LARGE1: variants seen among roughly 807,000 people sequenced by gnomAD.
LARGE1 encodes LARGE xylosyl- and glucuronyltransferase 1.
A neutral mutation model predicts 87.6 loss-of-function variants in LARGE1; 43 were observed. That is an observed-to-expected ratio of 0.49 (90% CI 0.38 to 0.63). LARGE1 has a LOEUF of 0.63. LARGE1 is among the 30% of genes least tolerant of loss of function. The pLI, the probability that LARGE1 is intolerant of heterozygous loss-of-function variation, is 0.00. For missense variants in LARGE1, 802 were observed against 1,000.2 expected, an observed-to-expected ratio of 0.80 and a Z score of 2.67; for synonymous variants, 434 against 394.6, an observed-to-expected ratio of 1.10 and a Z score of -1.18.
intron 2 of LARGE1, among the ~76,000 whole-genome samples, chr22:33,670,411 C>G (rs111678139): frequency 6.6e-6 from 1 of 151,512 alleles, no homozygotes; most frequent in Admixed American, 6.6e-5. Flanking sequence ...AAGGTGAGCA[C>G]CAAGACGCTA....
At chr22:33,905,222 C>T (rs949520782) in intron 1 of LARGE1, among the ~76,000 whole-genome samples, 1 of 151,854 alleles carries the variant, frequency 6.6e-6, no homozygotes, top group Non-Finnish European at 1.5e-5. Flanking sequence ...CACCAGGATG[C>T]CCAGCTGATT....
At chr22:33,595,487 G>A (rs2078953799) in intron 5 of LARGE1, among the ~76,000 whole-genome samples, 1 of 152,152 alleles carries the variant, frequency 6.6e-6, no homozygotes, top group Non-Finnish European at 1.5e-5. Flanking sequence ...GAGACACAAT[G>A]GGGAGCACAT....
chr22:33,682,832 A>C (rs1231762099), intron 2 of LARGE1, among the ~76,000 whole-genome samples: 1 of 152,184 alleles, frequency 6.6e-6, no homozygotes. Context: ...AAAACCAGAG[A>C]CATATGGTTT....
At chr22:33,205,496 A>G (rs1270494908) in intron 11 of LARGE1, among the ~76,000 whole-genome samples, 3 of 152,228 alleles carry the variant, frequency 2.0e-5, no homozygotes, top group Non-Finnish European at 2.9e-5. Context: ...ATAAATAAAA[A>G]GAGAGTTTCA....
chr22:33,146,979 CAAT>C, the LARGE1 span, among the ~76,000 whole-genome samples: 11 of 152,234 alleles, frequency 7.2e-5, no homozygotes, highest in Admixed American at 3.3e-4. Context: ...AGCCTCATAT[CAAT>C]AATATCATGA....
At chr22:33,484,742 GC>G (rs1466629909) in intron 6 of LARGE1, among the ~76,000 whole-genome samples, 1 of 152,108 alleles carries the variant, frequency 6.6e-6, no homozygotes, top group East Asian at 1.9e-4. Flanking sequence ...CTAAAGCCAT[GC>G]CCCCGGTCTG....
At chr22:33,912,784 A>C (rs1181288305) in intron 1 of LARGE1, among the ~76,000 whole-genome samples, 3 of 151,858 alleles carry the variant, frequency 2.0e-5, no homozygotes, top group Admixed American at 2.0e-4. Flanking sequence ...ATGAAAAAAA[A>C]AAAAGCCCTA....
At chr22:33,104,889 C>CTCTCTCTCTT in the LARGE1 span, among the ~76,000 whole-genome samples, 20 of 89,230 alleles carry the variant, frequency 2.2e-4, 1 homozygote, top group African/African-American at 6.8e-4. Flanking sequence ...GACTTTCTCT[C>CTCTCTCTCTT]TCTTTCTTTC....
At chr22:33,181,026 C>T (rs1473434192) in intron 11 of LARGE1, among the ~76,000 whole-genome samples, 1 of 152,108 alleles carries the variant, frequency 6.6e-6, no homozygotes, top group Non-Finnish European at 1.5e-5. Context: ...AATGTAAAAA[C>T]CATTGAGCTG....
chr22:33,822,719 A>G (rs2062675390), intron 1 of LARGE1, among the ~76,000 whole-genome samples: 1 of 152,218 alleles, frequency 6.6e-6, no homozygotes, highest in Admixed American at 6.5e-5. Context: ...ATGAATTAAA[A>G]GAAAGAAATG....
chr22:33,510,756 TTTG>T (rs1009603539), intron 6 of LARGE1, among the ~76,000 whole-genome samples: 5 of 152,158 alleles, frequency 3.3e-5, no homozygotes, highest in South Asian at 2.1e-4. Flanking sequence ...TTTGTATTTC[TTTG>T]TTGTTGTTGT....
chr22:33,261,822 T>C (rs1004230025), intron 11 of LARGE1, among the ~76,000 whole-genome samples: 6 of 152,222 alleles, frequency 3.9e-5, no homozygotes, highest in Admixed American at 6.5e-5. Flanking sequence ...CTCTCTGTAG[T>C]AGAGAATCAA....
chr22:33,703,139 A>G (rs543499017), intron 2 of LARGE1, among the ~76,000 whole-genome samples: 2 of 152,272 alleles, frequency 1.3e-5, no homozygotes, highest in African/African-American at 2.4e-5. Flanking sequence ...GGAGTTGAAC[A>G]ATGAGAACAC....
chr22:33,762,025 G>C (rs1207191765), intron 1 of LARGE1, among the ~76,000 whole-genome samples: 1 of 151,876 alleles, frequency 6.6e-6, no homozygotes, highest in Non-Finnish European at 1.5e-5. Flanking sequence ...AAGACCAGCT[G>C]GCCAACATGG....
At chr22:33,432,066 C>A in intron 7 of LARGE1, 95 bp downstream of exon 7, 1 of 991,350 alleles carries the variant, frequency 1.0e-6, no homozygotes, top group Non-Finnish European at 1.6e-6. Flanking sequence ...CAGGTGGCCT[C>A]CTCCTGAGCT....
rs191773927 is a variant in LARGE1 at position 33,329,146 on chromosome 22, G to C, written c.1287+8500C>G. ...TTCCCTGCTATCACTAGGAGGCTAG[G>C]AGACCAATACTGATTACTCAGAGTG... On this transcript the variant is annotated intron_variant, in intron 10 of 14. Coordinates refer to ENST00000397394, the MANE Select transcript of LARGE1 (RefSeq NM_133642.5). Among the ~76,000 whole-genome samples, 308 of 152,268 alleles carry C rather than the reference G, an allele frequency of 2.0e-3. 1 individual carries two copies. The highest frequency in any genetic ancestry group is 2.0e-3 in the Non-Finnish European group (139 of 68,012).
chr22:33,358,399 T>C (rs1407533931), intron 9 of LARGE1, among the ~76,000 whole-genome samples: 1 of 152,138 alleles, frequency 6.6e-6, no homozygotes, highest in African/African-American at 2.4e-5. Context: ...TTTTTCACTG[T>C]AGTCTGCTTA....
chr22:33,912,920 T>C (rs1177353784), intron 1 of LARGE1, among the ~76,000 whole-genome samples: 1 of 151,856 alleles, frequency 6.6e-6, no homozygotes, highest in Non-Finnish European at 1.5e-5. Flanking sequence ...AACCTCCGTC[T>C]CTGGAGTTCA....
chr22:33,290,827 T>G (rs949359553), intron 12 of LARGE1, among the ~76,000 whole-genome samples: 4 of 151,954 alleles, frequency 2.6e-5, no homozygotes, highest in African/African-American at 9.7e-5. Flanking sequence ...TCACCTGAGG[T>G]CAGGAGTTCG....
Sources: gnomAD v4.1 joint callset for allele counts (sites outside exome capture counted in the v4.1 genomes callset) on GRCh38, gnomAD v4.1.1 for gene constraint, MANE v1.5 for transcripts, NCBI Gene and HGNC (gene_info 2026-07-23, HGNC 2026-07-21) for gene names.